ZMYM2: variants seen among roughly 807,000 people sequenced by gnomAD.
ZMYM2 encodes the protein zinc finger MYM-type protein 2.
ZMYM2 carries 56 observed loss-of-function variants against 162.8 expected under a neutral mutation model. The observed-to-expected ratio is 0.34, with a 90% CI of 0.28 to 0.43. The LOEUF (loss-of-function observed/expected upper bound fraction) is 0.43. ZMYM2 is among the 20% of genes least tolerant of loss of function. The pLI is 1.00. For missense variants in ZMYM2, 1,275 were observed against 1,621.8 expected, an observed-to-expected ratio of 0.79 and a Z score of 3.67; for synonymous variants, 510 against 541.6, an observed-to-expected ratio of 0.94 and a Z score of 0.81.
chr13:19,992,115 A>C (rs1265927784), intron 2 of ZMYM2, among the ~76,000 whole-genome samples: 1 of 152,184 alleles, frequency 6.6e-6, no homozygotes, highest in Non-Finnish European at 1.5e-5. Context: ...TCAGCCTGCT[A>C]CTGGGATATA....
chr13:20,036,700 T>C (rs959712490), intron 11 of ZMYM2, 37 bp from the exon 12 acceptor site: 36 of 1,246,420 alleles, frequency 2.9e-5, no homozygotes, highest in Non-Finnish European at 3.5e-5. Flanking sequence ...TTTTCATGTG[T>C]TTTTTTGTTT....
the ZMYM2 span, chr13:19,864,022 C>G: frequency 6.6e-6 from 1 of 152,176 alleles, no homozygotes; most frequent in Non-Finnish European, 1.5e-5. Context: ...GAGACTCCGG[C>G]GGGGCTGCCT....
chr13:19,895,076 C>CAAAAAA, the ZMYM2 span, among the ~76,000 whole-genome samples: 33 of 83,546 alleles, frequency 3.9e-4, no homozygotes, highest in East Asian at 1.1e-3. Flanking sequence ...AACTCCATCT[C>CAAAAAA]AAAAAAAAAA....
At chr13:19,905,386 C>T in the ZMYM2 span, among the ~76,000 whole-genome samples, 1 of 152,164 alleles carries the variant, frequency 6.6e-6, no homozygotes, top group African/African-American at 2.4e-5. Context: ...CCAGGCACAA[C>T]CATCCAGGTT....
intron 21 of ZMYM2, among the ~76,000 whole-genome samples, chr13:20,078,354 TATGA>T (rs1286456324): frequency 6.6e-6 from 1 of 152,118 alleles, no homozygotes; most frequent in Non-Finnish European, 1.5e-5. Flanking sequence ...GCCCTCAAAT[TATGA>T]ATGTCTTATA....
chr13:20,046,647 A>C (rs1016590717), intron 12 of ZMYM2, among the ~76,000 whole-genome samples: 7 of 142,394 alleles, frequency 4.9e-5, no homozygotes, highest in Non-Finnish European at 1.1e-4. Context: ...ATATGTGTAC[A>C]TATGTATATG....
At chr13:20,077,847 CTT>C (rs11427276) in intron 21 of ZMYM2, among the ~76,000 whole-genome samples, 9 of 143,802 alleles carry the variant, frequency 6.3e-5, no homozygotes, top group African/African-American at 2.0e-4. Context: ...AAGTTTTTTT[CTT>C]TTTTTTTTTT....
chr13:20,045,516 A>G (rs1954688750), intron 12 of ZMYM2, among the ~76,000 whole-genome samples: 1 of 152,212 alleles, frequency 6.6e-6, no homozygotes, highest in African/African-American at 2.4e-5. Flanking sequence ...TTGTTTATGG[A>G]TATTAGTGTT....
intron 21 of ZMYM2, among the ~76,000 whole-genome samples, chr13:20,077,049 C>T (rs1296544645): frequency 2.7e-5 from 4 of 150,222 alleles, no homozygotes; most frequent in African/African-American, 7.6e-5. Flanking sequence ...AGGTTTGTCT[C>T]GTTCTCTTGA....
rs1377221784 is a variant in ZMYM2 at position 19,993,500 on chromosome 13, C to T, written c.428C>T (p.Pro143Leu). 1.2e-6 allele frequency: 2 copies of T among 1,614,052 alleles called. No individual in the cohort carries two copies. The highest frequency in any genetic ancestry group is 2.2e-5 in the East Asian group (1 of 44,870). ...KNSSNFIERRPPETKNRTNDV... is the reference protein window; with the variant it reads ...KNSSNFIERRLPETKNRTNDV... ...TCCTCCAATTTTATTGAACGAAGACCTCCTGAGACTAAAAACAGAACCAAT... is the reference window on the plus strand; with the variant it reads ...TCCTCCAATTTTATTGAACGAAGACTTCCTGAGACTAAAAACAGAACCAAT... Residue 143 changes from proline (P) to leucine (L), a missense_variant, in exon 3 of 25, where the codon CCT (proline) becomes CTT (leucine). Transcript: ENST00000610343.
chr13:19,993,675 A>G lies in ZMYM2; in HGVS notation c.603A>G (p.Gln201=), dbSNP rs375228563. 2 of 1,614,058 alleles carry G rather than the reference A, an allele frequency of 1.2e-6. No homozygotes were observed. The change falls in exon 3 of 25, where the codon CAA becomes CAG. Residue 201 remains glutamine (Q), a synonymous_variant. Transcript: ENST00000610343. The part of the protein sequence containing the change: ...ETGVSSVNDG[Q]LENTDGRDMN... ...GTGTAAGCTCTGTGAATGATGGCCA[A>G]TTAGAAAATACTGACGGGCGAGATA...
chr13:19,879,508 TA>T, the ZMYM2 span, among the ~76,000 whole-genome samples: 1 of 152,244 alleles, frequency 6.6e-6, no homozygotes, highest in Non-Finnish European at 1.5e-5. Flanking sequence ...TCCATTGATC[TA>T]TGTGTCTGTT....
At position 20,051,606 on chromosome 13, in the gene ZMYM2, A is replaced by G; in HGVS notation, c.2458+8A>G. ...CTGAAAACTTACATTATGGTATGTAATGATTTAGGTGATAACTTGAAAACC... is the reference window on the plus strand; with the variant it reads ...CTGAAAACTTACATTATGGTATGTAGTGATTTAGGTGATAACTTGAAAACC... On this transcript the variant is annotated splice_region_variant and intron_variant, in intron 13 of 24. Coordinates refer to ENST00000610343, the MANE Select transcript of ZMYM2 (RefSeq NM_197968.4). 5 of 1,606,274 alleles carry G rather than the reference A, an allele frequency of 3.1e-6. No homozygotes were observed. Among genetic ancestry groups the G allele is most frequent in the Non-Finnish European group, 4.2e-6 (5 of 1,176,494 alleles).
chr13:20,076,463 C>T (rs1404221445), intron 21 of ZMYM2, among the ~76,000 whole-genome samples: 1 of 150,410 alleles, frequency 6.6e-6, no homozygotes, highest in Admixed American at 6.6e-5. Context: ...ATTTCTTTCC[C>T]AAAATGTTTG....
At chr13:20,046,421 G>A (rs1332505452) in intron 12 of ZMYM2, among the ~76,000 whole-genome samples, 1 of 151,798 alleles carries the variant, frequency 6.6e-6, no homozygotes, top group South Asian at 2.1e-4. Flanking sequence ...AGGCATGGTG[G>A]TGCATGCCTG....
the ZMYM2 span, among the ~76,000 whole-genome samples, chr13:19,883,755 T>C: frequency 6.6e-5 from 10 of 152,170 alleles, no homozygotes; most frequent in African/African-American, 2.2e-4. Context: ...TCATGGTATA[T>C]ATATATATAT....
At chr13:20,041,529 G>A (rs900420129) in intron 12 of ZMYM2, among the ~76,000 whole-genome samples, 4 of 152,032 alleles carry the variant, frequency 2.6e-5, no homozygotes, top group African/African-American at 9.7e-5. Flanking sequence ...TTTTAATTGG[G>A]GCATTTAGCC....
the ZMYM2 span, among the ~76,000 whole-genome samples, chr13:19,915,786 GAGC>G: frequency 6.6e-6 from 1 of 151,880 alleles, no homozygotes; most frequent in Non-Finnish European, 1.5e-5. Context: ...TTACAGGCAT[GAGC>G]CACTGCACCT....
intron 2 of ZMYM2, among the ~76,000 whole-genome samples, chr13:19,964,420 A>T (rs767881731): frequency 1.3e-5 from 2 of 152,070 alleles, no homozygotes; most frequent in Non-Finnish European, 2.9e-5. Flanking sequence ...GAAATAGATA[A>T]TGCATGTTTA....
Sources: gnomAD v4.1 joint callset for allele counts (sites outside exome capture counted in the v4.1 genomes callset) on GRCh38, gnomAD v4.1.1 for gene constraint, MANE v1.5 for transcripts, NCBI Gene and HGNC (gene_info 2026-07-23, HGNC 2026-07-21) for gene names.